The following KCNK1 variants were observed in gnomAD, a reference collection of about 807,000 sequenced individuals.
The protein encoded by KCNK1 is potassium two pore domain channel subfamily K member 1.
In KCNK1, 10 loss-of-function variants were observed where a neutral mutation model predicts 22.2. The ratio of observed to expected loss-of-function variants is 0.45; its 90% confidence interval spans 0.28 to 0.76. The LOEUF is 0.76. Among genes scored for constraint, KCNK1 ranks in the 30% least tolerant of loss-of-function variants. The pLI is 0.14. For missense variants in KCNK1, 378 were observed against 421.0 expected, an observed-to-expected ratio of 0.90 and a Z score of 0.89; for synonymous variants, 200 against 186.4, an observed-to-expected ratio of 1.07 and a Z score of -0.60.
At chr1:233,647,618 A>C (rs1658122411) in intron 1 of KCNK1, among the ~76,000 whole-genome samples, 5 of 152,140 alleles carry the variant, frequency 3.3e-5, no homozygotes, top group Admixed American at 3.3e-4. Context: ...CTGCCTTGTC[A>C]TTTAAGTTTT....
chr1:233,618,112 C>T (rs1657517858), intron 1 of KCNK1, among the ~76,000 whole-genome samples: 2 of 152,160 alleles, frequency 1.3e-5, no homozygotes, highest in Non-Finnish European at 2.9e-5. Flanking sequence ...AAAGGAAGGG[C>T]AGAGCTTCAG....
chr1:233,652,662 T>G (rs1658222558), intron 1 of KCNK1, among the ~76,000 whole-genome samples: 2 of 152,226 alleles, frequency 1.3e-5, no homozygotes, highest in African/African-American at 4.8e-5. Context: ...GAGCTCATGC[T>G]GTTCATGCCA....
intron 1 of KCNK1, among the ~76,000 whole-genome samples, chr1:233,652,340 T>G (rs888265283): frequency 1.3e-5 from 2 of 152,184 alleles, no homozygotes; most frequent in Non-Finnish European, 2.9e-5. Flanking sequence ...TTCCTTGTTC[T>G]TCCTTACCGC....
intron 1 of KCNK1, among the ~76,000 whole-genome samples, chr1:233,625,247 C>T (rs1657667925): frequency 6.6e-6 from 1 of 152,220 alleles, no homozygotes; most frequent in African/African-American, 2.4e-5. Flanking sequence ...CTGGAATCTT[C>T]TCGGCCTCTC....
intron 1 of KCNK1, among the ~76,000 whole-genome samples, chr1:233,638,560 C>T (rs770825188): frequency 3.9e-5 from 6 of 152,160 alleles, no homozygotes; most frequent in Non-Finnish European, 5.9e-5. Flanking sequence ...TGAAGCAAAT[C>T]GTTGACCGAT....
chr1:233,623,750 G>A (rs1442889344), intron 1 of KCNK1, among the ~76,000 whole-genome samples: 1 of 152,042 alleles, frequency 6.6e-6, no homozygotes, highest in African/African-American at 2.4e-5. Flanking sequence ...CACCATGCCC[G>A]GCTAACTTTT....
rs536119471 is a variant in KCNK1 at position 233,658,633 on chromosome 1, T to C, written c.356-7962T>C. Among the ~76,000 whole-genome samples, 12 of 152,326 alleles carry C rather than the reference T, an allele frequency of 7.9e-5. No homozygotes were observed. The East Asian group carries it at 2.3e-3, about 29-fold the overall frequency. ...AATGCATCCTTAGGTGTTTTTGTCA[T>C]TGTGTGAACAACGTAGAGTGTACAA... is the stretch of plus-strand genomic sequence containing the variant. On this transcript the variant is annotated intron_variant, in intron 1 of 2. Transcript: ENST00000366621.
intron 1 of KCNK1, among the ~76,000 whole-genome samples, chr1:233,633,285 A>C (rs570267279): frequency 9.2e-5 from 14 of 151,764 alleles, no homozygotes; most frequent in African/African-American, 3.1e-4. Context: ...AACAAACAAA[A>C]AAAACCACAC....
intron 1 of KCNK1, among the ~76,000 whole-genome samples, chr1:233,639,682 A>C (rs751833127): frequency 1.3e-5 from 2 of 152,246 alleles, no homozygotes; most frequent in Non-Finnish European, 2.9e-5. Context: ...CTGTTCAATT[A>C]CAAAAAAAAC....
intron 2 of KCNK1, among the ~76,000 whole-genome samples, chr1:233,669,186 A>ATTGTT (rs968240629): frequency 1.3e-5 from 2 of 152,048 alleles, no homozygotes; most frequent in African/African-American, 2.4e-5. Flanking sequence ...ATTATAGGTG[A>ATTGTT]TTGTTTTGTT....
chr1:233,622,262 G>A (rs1317857281), intron 1 of KCNK1, among the ~76,000 whole-genome samples: 3 of 152,164 alleles, frequency 2.0e-5, no homozygotes, highest in Non-Finnish European at 4.4e-5. Flanking sequence ...TGGTTTCAGG[G>A]ACAGAAATCT....
intron 1 of KCNK1, among the ~76,000 whole-genome samples, chr1:233,653,198 A>G (rs1212886207): frequency 6.6e-6 from 1 of 152,242 alleles, no homozygotes; most frequent in Non-Finnish European, 1.5e-5. Flanking sequence ...TTATTCCTGC[A>G]GAAACCACAG....
At chr1:233,628,053 T>C (rs1480713580) in intron 1 of KCNK1, among the ~76,000 whole-genome samples, 2 of 152,240 alleles carry the variant, frequency 1.3e-5, no homozygotes, top group African/African-American at 2.4e-5. Flanking sequence ...CTGTGTCTCA[T>C]TGACCCAGTG....
chr1:233,635,667 T>C (rs1359426490), intron 1 of KCNK1, among the ~76,000 whole-genome samples: 1 of 152,238 alleles, frequency 6.6e-6, no homozygotes, highest in Non-Finnish European at 1.5e-5. Context: ...TGCTGATCCA[T>C]TTATTCATAC....
chr1:233,667,560 C>T (rs552252338), intron 2 of KCNK1, among the ~76,000 whole-genome samples: 9 of 151,844 alleles, frequency 5.9e-5, no homozygotes, highest in African/African-American at 1.9e-4. Flanking sequence ...GAAACCCCGT[C>T]TGTACTAAAA....
chr1:233,666,821 C>T lies in KCNK1; in HGVS notation c.582C>T (p.Cys194=), dbSNP rs563157083. 1.8e-5 allele frequency: 29 copies of T among 1,614,210 alleles called. No homozygotes were observed. In the African/African-American group the frequency reaches 3.7e-4, roughly 21 times the overall value. The change falls in exon 2 of 3, where the codon TGC becomes TGT. Residue 194 remains cysteine, a synonymous_variant. Transcript: ENST00000366621. The part of the protein sequence containing the change: ...AVLLGFVTVS[C]FFFIPAAVFS... ...TCCTTGGGTTTGTCACTGTGTCCTGCTTCTTCTTCATCCCGGCCGCTGTCT... is the reference window on the plus strand; with the variant it reads ...TCCTTGGGTTTGTCACTGTGTCCTGTTTCTTCTTCATCCCGGCCGCTGTCT...
At chr1:233,638,870 C>A (rs1442243292) in intron 1 of KCNK1, among the ~76,000 whole-genome samples, 1 of 152,232 alleles carries the variant, frequency 6.6e-6, no homozygotes, top group Admixed American at 6.5e-5. Flanking sequence ...ACATTTGGCT[C>A]TGTGGGGTAG....
chr1:233,646,376 A>G (rs1658093660), intron 1 of KCNK1, among the ~76,000 whole-genome samples: 1 of 152,110 alleles, frequency 6.6e-6, no homozygotes, highest in African/African-American at 2.4e-5. Context: ...CAGGGTGGAA[A>G]AACCACAAAT....
At position 233,624,620 on chromosome 1, in the gene KCNK1, A is replaced by G. The variant is rs192395362; in HGVS notation, c.355+10094A>G. Reference sequence around the variant, plus strand: ...AATCTGTGCCTTTTCTGAAAAATGAAGAAGGTTCTAAAGATGTTACTTCTA... The same window carrying G: ...AATCTGTGCCTTTTCTGAAAAATGAGGAAGGTTCTAAAGATGTTACTTCTA... On this transcript the variant is annotated intron_variant, in intron 1 of 2. Transcript: ENST00000366621. 2.4e-3 allele frequency among the ~76,000 whole-genome samples: 363 copies of G among 152,266 alleles called. 2 individuals are homozygous for G. Among genetic ancestry groups the G allele is most frequent in the African/African-American group, 8.0e-3 (331 of 41,520 alleles).
Sources: gnomAD v4.1 joint callset for allele counts (sites outside exome capture counted in the v4.1 genomes callset) on GRCh38, gnomAD v4.1.1 for gene constraint, MANE v1.5 for transcripts, NCBI Gene and HGNC (gene_info 2026-07-23, HGNC 2026-07-21) for gene names.